The following COL4A1 variants were observed in gnomAD, a reference collection of about 807,000 sequenced individuals.
The protein encoded by COL4A1 is collagen type IV alpha 1 chain.
Under a neutral mutation model 216.6 loss-of-function variants are expected in COL4A1, and 40 were observed. The ratio of observed to expected loss-of-function variants is 0.18; its 90% CI spans 0.14 to 0.24. The LOEUF (loss-of-function observed/expected upper bound fraction) is 0.24, where lower values mean the gene tolerates loss of function less well. Ranked by LOEUF, COL4A1 falls within the 10% of genes least tolerant of loss-of-function variation. The pLI is 1.00. For synonymous variants in COL4A1, 839 were observed against 810.7 expected, an observed-to-expected ratio of 1.03 and a Z score of -0.59; for missense variants, 1,628 against 2,196.8, an observed-to-expected ratio of 0.74 and a Z score of 5.18.
At chr13:110,230,063 A>G (rs1422286345) in intron 2 of COL4A1, among the ~76,000 whole-genome samples, 6 of 152,090 alleles carry the variant, frequency 3.9e-5, no homozygotes, top group Admixed American at 1.3e-4. Flanking sequence ...CCCACTCAGG[A>G]AAAAGGAGCA....
At chr13:110,168,987 T>C (rs1436070335) in intron 43 of COL4A1, among the ~76,000 whole-genome samples, 3 of 151,996 alleles carry the variant, frequency 2.0e-5, no homozygotes, top group Non-Finnish European at 4.4e-5. Flanking sequence ...AAACCAAAGA[T>C]CCATGACCAC....
At chr13:110,293,607 C>T (rs1227543738) in intron 1 of COL4A1, among the ~76,000 whole-genome samples, 2 of 152,190 alleles carry the variant, frequency 1.3e-5, no homozygotes, top group Non-Finnish European at 2.9e-5. Context: ...CCTGCACTTT[C>T]GAACATGCTG....
At position 110,268,223 on chromosome 13, in the gene COL4A1, G is replaced by A. The variant is rs1314546248; in HGVS notation, c.85-25489C>T. ...CAACTGTGTCCTGCCTCAGAGCACC[G>A]GCACTGCCAGTCCAAAACCAGGAAA... On this transcript the variant is annotated intron_variant, in intron 1 of 51. Coordinates refer to ENST00000375820, the MANE Select transcript of COL4A1 (RefSeq NM_001845.6). This position sits in a 1 kb window ranked among gnomAD's most constrained non-coding sequence, Gnocchi z 4.1. Among the ~76,000 whole-genome samples, 1 of 152,166 alleles carries A rather than the reference G, an allele frequency of 6.6e-6. No individual in the cohort carries two copies. Among genetic ancestry groups the A allele is most frequent in the African/African-American group, 2.4e-5 (1 of 41,440 alleles).
At chr13:110,288,294 A>T (rs185783982) in intron 1 of COL4A1, among the ~76,000 whole-genome samples, 12 of 151,204 alleles carry the variant, frequency 7.9e-5, no homozygotes, top group African/African-American at 2.9e-4. Flanking sequence ...AATAATAATA[A>T]TAATTAAGCC....
At chr13:110,245,819 G>C (rs992816352) in intron 1 of COL4A1, among the ~76,000 whole-genome samples, 1 of 152,174 alleles carries the variant, frequency 6.6e-6, no homozygotes, top group African/African-American at 2.4e-5. Context: ...CGGTGCCGGT[G>C]ACAGGCGGGT....
intron 1 of COL4A1, among the ~76,000 whole-genome samples, chr13:110,255,958 T>C: frequency 6.6e-6 from 1 of 150,958 alleles, no homozygotes; most frequent in Non-Finnish European, 1.5e-5. Flanking sequence ...AGACTGTGAC[T>C]GACCTTATCT....
At chr13:110,261,975 G>C (rs960175436) in intron 1 of COL4A1, among the ~76,000 whole-genome samples, 1 of 152,158 alleles carries the variant, frequency 6.6e-6, no homozygotes, top group Admixed American at 6.5e-5. Context: ...AGCTGTGACC[G>C]GGCGGGAAGC....
Position 110,179,020 on chromosome 13 carries a change from A to C in COL4A1, c.2361T>G (p.Pro787=). The C allele has an allele frequency of 6.2e-7, 1 of 1,611,142 alleles. No homozygotes were observed. The part of the protein sequence containing the change: ...LQGIRGEPGP[P]GLPGSVGSPG... ...GAGACCCCACGGAGCCTGGCAATCCAGGAGGTCCCGGTTCACCTGGAGAAG... is the reference window on the plus strand; with the variant it reads ...GAGACCCCACGGAGCCTGGCAATCCCGGAGGTCCCGGTTCACCTGGAGAAG... Residue 787 remains proline, a synonymous_variant, in exon 31 of 52, where the codon CCT becomes CCG. Transcript: ENST00000375820.
At chr13:110,300,705 G>T in intron 1 of COL4A1, among the ~76,000 whole-genome samples, 1 of 152,178 alleles carries the variant, frequency 6.6e-6, no homozygotes, top group Admixed American at 6.5e-5. Flanking sequence ...GTCCTTGCTG[G>T]AATCAGTGGC....
At chr13:110,164,250 C>T (rs940954037) in intron 46 of COL4A1, among the ~76,000 whole-genome samples, 1 of 152,108 alleles carries the variant, frequency 6.6e-6, no homozygotes, top group Admixed American at 6.5e-5. Context: ...ACCTCAGCCT[C>T]CCAAAAAGCC....
chr13:110,158,228 T>C (rs1876883387), intron 49 of COL4A1, among the ~76,000 whole-genome samples: 1 of 152,202 alleles, frequency 6.6e-6, no homozygotes, highest in Admixed American at 6.5e-5. Flanking sequence ...ATAAGTTTTC[T>C]TATAGCTCAA....
chr13:110,206,583 G>C, intron 15 of COL4A1, 82 bp downstream of exon 15: 1 of 1,485,160 alleles, frequency 6.7e-7, no homozygotes, highest in Non-Finnish European at 9.4e-7. Flanking sequence ...AGCCTTTTCT[G>C]TTCTTGTGTT....
intron 42 of COL4A1, 88 bp from the exon 43 acceptor site, chr13:110,169,850 G>A: frequency 1.4e-6 from 2 of 1,462,682 alleles, no homozygotes; most frequent in Admixed American, 3.6e-5. Flanking sequence ...GCCACCCACG[G>A]CCCCTCACTG....
intron 1 of COL4A1, among the ~76,000 whole-genome samples, chr13:110,281,020 C>T (rs758791564): frequency 1.3e-5 from 2 of 152,156 alleles, no homozygotes; most frequent in Non-Finnish European, 2.9e-5. Flanking sequence ...AACCATGTGT[C>T]CCATTTTTTT....
intron 31 of COL4A1, 42 bp downstream of exon 31, chr13:110,178,881 C>T: frequency 6.7e-7 from 1 of 1,500,432 alleles, no homozygotes; most frequent in African/African-American, 1.4e-5. Flanking sequence ...TTCAGAAAAG[C>T]ATGCTTTTGG....
chr13:110,219,668 A>ATGTATATATG (rs1477358093), intron 2 of COL4A1, among the ~76,000 whole-genome samples: 2 of 45,418 alleles, frequency 4.4e-5, no homozygotes, highest in African/African-American at 1.3e-4. Context: ...ATATGTATAT[A>ATGTATATATG]TATATATATG....
chr13:110,274,755 C>A (rs1883371496), intron 1 of COL4A1, among the ~76,000 whole-genome samples: 1 of 152,072 alleles, frequency 6.6e-6, no homozygotes, highest in Non-Finnish European at 1.5e-5. Flanking sequence ...GTATAGGTAG[C>A]AAGAGCTTAG....
chr13:110,262,337 C>A (rs1035732676), intron 1 of COL4A1, among the ~76,000 whole-genome samples: 3 of 152,224 alleles, frequency 2.0e-5, no homozygotes, highest in African/African-American at 4.8e-5. Context: ...ATCAGCCTTC[C>A]CAGTATACAA....
At chr13:110,215,963 G>A (rs537399980) in intron 2 of COL4A1, among the ~76,000 whole-genome samples, 5 of 152,324 alleles carry the variant, frequency 3.3e-5, no homozygotes, top group African/African-American at 4.8e-5. Context: ...GCTGTGTTTC[G>A]TTGAAAGGAT....
Sources: gnomAD v4.1 joint callset for allele counts (sites outside exome capture counted in the v4.1 genomes callset) on GRCh38, gnomAD v4.1.1 for gene constraint, Gnocchi (gnomAD v3.1) non-coding constraint, MANE v1.5 for transcripts, NCBI Gene and HGNC (gene_info 2026-07-23, HGNC 2026-07-21) for gene names.